The following ADAMTS19 variants were observed in gnomAD, a reference collection of about 807,000 sequenced individuals.
ADAMTS19 encodes A disintegrin and metalloproteinase with thrombospondin motifs 19.
ADAMTS19 carries 93 observed loss-of-function variants against 153.3 expected under a neutral mutation model. The ratio of observed to expected loss-of-function variants is 0.61; its 90% CI spans 0.51 to 0.72. The LOEUF (loss-of-function observed/expected upper bound fraction) is 0.72. Ranked by LOEUF, ADAMTS19 falls within the 30% of genes least tolerant of loss-of-function variation. The pLI is 0.00. For missense variants in ADAMTS19, 1,482 were observed against 1,552.1 expected (o/e 0.95, Z 0.76); for synonymous variants, 600 against 556.6 (o/e 1.08, Z -1.10).
chr5:129,533,583 T>A (rs1161268953), intron 6 of ADAMTS19, among the ~76,000 whole-genome samples: 1 of 152,110 alleles, frequency 6.6e-6, no homozygotes, highest in African/African-American at 2.4e-5. Context: ...TTTTTTTGAG[T>A]CTCTATTTCC....
At chr5:129,498,664 A>T (rs905311809) in intron 2 of ADAMTS19, among the ~76,000 whole-genome samples, 7 of 151,986 alleles carry the variant, frequency 4.6e-5, no homozygotes, top group Non-Finnish European at 1.5e-5. Context: ...GGCATCGCTC[A>T]CCTGGGACAC....
chr5:129,461,120 A>T lies in ADAMTS19; in HGVS notation c.110A>T (p.Asp37Val). The change falls in exon 2 of 23, where the codon GAC becomes GTC. Residue 37 changes from aspartate to valine, a missense_variant. Asp to Val is a radical substitution (Grantham distance 152). Coordinates refer to ENST00000274487, the MANE Select transcript of ADAMTS19 (RefSeq NM_133638.6). The surrounding 1 kb of genome is among the most constrained non-coding windows in gnomAD (Gnocchi z 4.6). ...CCCGCAGAGCTGCAGTTCGCCCCCG[A>T]CCGCGAGGAGTGGGAAGTCGTGTTT... Reference protein sequence around the residue: ...GIVSELQFAPDREEWEVVFPA... With the variant: ...GIVSELQFAPVREEWEVVFPA... The T allele has an allele frequency of 7.0e-7, 1 of 1,418,894 alleles. No homozygotes were observed. The highest frequency in any genetic ancestry group is 1.5e-5 in the South Asian group (1 of 67,222). 87.9% of individuals were successfully genotyped at this position (1,418,894 alleles called of 1,614,324 possible).
At chr5:129,694,681 G>C in intron 18 of ADAMTS19, 39 bp from the exon 19 acceptor site, 2 of 1,475,880 alleles carry the variant, frequency 1.4e-6, no homozygotes, top group African/African-American at 1.4e-5. Flanking sequence ...TTACATAAAG[G>C]CTTATAATAA....
intron 7 of ADAMTS19, among the ~76,000 whole-genome samples, chr5:129,557,637 A>AC (rs1423090794): frequency 6.6e-6 from 1 of 152,054 alleles, no homozygotes; most frequent in East Asian, 1.9e-4. Context: ...AATAAAATCT[A>AC]CCTACAAAAA....
At position 129,712,932 on chromosome 5, in the gene ADAMTS19, A is replaced by C. The variant is rs183356217; in HGVS notation, c.3312+8541A>C. The stretch of plus-strand genomic sequence containing the variant: ...AATGCCATTTATTTTGGAAAATGCA[A>C]GAGAAATATTGTAAAAATAAAATCC... On this transcript the variant is annotated intron_variant, in intron 21 of 22. Coordinates refer to ENST00000274487, the MANE Select transcript of ADAMTS19 (RefSeq NM_133638.6). 1.2e-4 allele frequency among the ~76,000 whole-genome samples: 19 copies of C among 152,360 alleles called. 1 individual carries two copies. The East Asian group carries it at 3.7e-3, about 29-fold the overall frequency.
chr5:129,630,054 T>G (rs1360701449), intron 10 of ADAMTS19, among the ~76,000 whole-genome samples: 1 of 152,130 alleles, frequency 6.6e-6, no homozygotes, highest in African/African-American at 2.4e-5. Context: ...ATAGTATAAC[T>G]GAATCATATG....
At chr5:129,613,049 G>C (rs371223981) in intron 8 of ADAMTS19, among the ~76,000 whole-genome samples, 1 of 152,096 alleles carries the variant, frequency 6.6e-6, no homozygotes, top group African/African-American at 2.4e-5. Context: ...AGTCCTTAGA[G>C]ACCTACAAAG....
intron 8 of ADAMTS19, among the ~76,000 whole-genome samples, chr5:129,616,821 G>C (rs570444560): frequency 6.6e-6 from 1 of 152,040 alleles, no homozygotes; most frequent in South Asian, 2.1e-4. Flanking sequence ...TCTACATGTA[G>C]AGGTACATTT....
chr5:129,512,500 C>T (rs1561545327), intron 3 of ADAMTS19, among the ~76,000 whole-genome samples: 2 of 151,542 alleles, frequency 1.3e-5, no homozygotes, highest in Admixed American at 1.3e-4. Context: ...ATAAAAACAT[C>T]AAAGAGAGCA....
At chr5:129,679,280 A>T (rs568294790) in intron 16 of ADAMTS19, among the ~76,000 whole-genome samples, 1 of 152,310 alleles carries the variant, frequency 6.6e-6, no homozygotes, top group Non-Finnish European at 1.5e-5. Context: ...TATAATGCAT[A>T]TAACCCTGCC....
At chr5:129,669,716 C>T (rs908641699) in intron 16 of ADAMTS19, among the ~76,000 whole-genome samples, 10 of 151,842 alleles carry the variant, frequency 6.6e-5, no homozygotes, top group African/African-American at 1.9e-4. Context: ...TATAGGTATA[C>T]ATTTTCTCCC....
chr5:129,665,389 A>C (rs1753999764), intron 15 of ADAMTS19, 110 bp from the exon 16 acceptor site: 1 of 836,124 alleles, frequency 1.2e-6, no homozygotes, highest in African/African-American at 1.8e-5. Context: ...GTAAGTACTG[A>C]AATATCATAG....
At chr5:129,596,460 A>G (rs1750381166) in intron 7 of ADAMTS19, 99 bp from the exon 8 acceptor site, 11 of 791,742 alleles carry the variant, frequency 1.4e-5, no homozygotes, top group Non-Finnish European at 2.0e-5. Flanking sequence ...CTGACATTTT[A>G]GTCGTGACAA....
In ADAMTS19 at chr5:129,579,784, C is replaced by T. The variant is rs957190467; in HGVS notation, c.1373-16775C>T. Among the ~76,000 whole-genome samples the T allele has an allele frequency of 2.6e-5, 4 of 152,050 alleles. 1 individual carries two copies. Among genetic ancestry groups the T allele is most frequent in the South Asian group, 4.1e-4 (2 of 4,822 alleles). The stretch of plus-strand genomic sequence containing the variant: ...TACTTCTGAGGCCTCTGTTCTGTCC[C>T]GTTGGTCTATATATCTGTTTTTTTA... On this transcript the variant is annotated intron_variant, in intron 7 of 22. Transcript: ENST00000274487.
At chr5:129,575,445 A>C (rs1314971822) in intron 7 of ADAMTS19, among the ~76,000 whole-genome samples, 1 of 152,104 alleles carries the variant, frequency 6.6e-6, no homozygotes, top group Non-Finnish European at 1.5e-5. Context: ...GTATCCTTAA[A>C]GTTACTTCAT....
chr5:129,681,207 G>T (rs890775706), intron 17 of ADAMTS19, among the ~76,000 whole-genome samples: 2 of 152,076 alleles, frequency 1.3e-5, no homozygotes, highest in African/African-American at 4.8e-5. Context: ...AGATTACCTG[G>T]GGTTCTTACT....
intron 22 of ADAMTS19, among the ~76,000 whole-genome samples, chr5:129,735,885 C>T (rs562351797): frequency 6.6e-4 from 101 of 152,008 alleles, no homozygotes; most frequent in African/African-American, 2.4e-3. Context: ...ATATTTAATA[C>T]CTTTGGTTTT....
intron 7 of ADAMTS19, among the ~76,000 whole-genome samples, chr5:129,557,396 G>A (rs180904969): frequency 1.6e-3 from 250 of 151,988 alleles, no homozygotes; most frequent in Admixed American, 4.9e-3. Context: ...CCAGGAGTTC[G>A]AAACAAGCCT....
chr5:129,481,298 TATC>T (rs1425513190), intron 2 of ADAMTS19, among the ~76,000 whole-genome samples: 17 of 152,062 alleles, frequency 1.1e-4, no homozygotes, highest in Middle Eastern at 3.2e-3. Context: ...ACTTTTAAAT[TATC>T]ATATCTTGTG....
Sources: allele counts gnomAD v4.1 joint callset (sites outside exome capture counted in the v4.1 genomes callset), GRCh38; gene constraint gnomAD v4.1.1; non-coding constraint Gnocchi (gnomAD v3.1); transcripts MANE v1.5; gene names NCBI Gene and HGNC (gene_info 2026-07-23, HGNC 2026-07-21).